Variants in TMC1 observed in about 807,000 individuals in gnomAD.
TMC1 encodes the protein transmembrane channel like 1, also known as transmembrane channel-like protein 1.
In TMC1, 84 loss-of-function variants were observed where a neutral mutation model predicts 105.8. The ratio of observed to expected loss-of-function variants is 0.79; its 90% CI spans 0.67 to 0.95. The LOEUF is 0.95. Among genes scored for constraint, TMC1 ranks in the 40% least tolerant of loss-of-function variants. The pLI, the probability that TMC1 is intolerant of heterozygous loss-of-function variation, is 0.00. For missense variants in TMC1, 817 were observed against 914.1 expected (o/e 0.89, Z 1.37); for synonymous variants, 315 against 311.5 (o/e 1.01, Z -0.12).
chr9:72,589,756 TATAAAACCATAAA>T (rs1302208912), intron 2 of TMC1, among the ~76,000 whole-genome samples: 1 of 152,248 alleles, frequency 6.6e-6, no homozygotes, highest in Non-Finnish European at 1.5e-5. Flanking sequence ...GGCTGTGGGT[TATAAAACCATAAA>T]ATTTTACAGC....
intron 3 of TMC1, among the ~76,000 whole-genome samples, chr9:72,621,361 A>C (rs1447057377): frequency 3.9e-5 from 6 of 152,240 alleles, no homozygotes; most frequent in Middle Eastern, 6.8e-3. Context: ...ACTGACCCTC[A>C]CAACATCCCT....
Position 72,830,620 on chromosome 9 carries a change from TTA to T in TMC1, c.2209-9_2209-8del. 1.2e-6 allele frequency: 2 copies of T among 1,613,530 alleles called. No homozygotes were observed. The highest frequency in any genetic ancestry group is 1.7e-6 in the Non-Finnish European group (2 of 1,179,672). ...AAATCTACTTTTTTCCCCTTATTTTTTATTGTGTAGCAAGCTTTGGAGAACAA... is the reference window on the plus strand; with the variant it reads ...AAATCTACTTTTTTCCCCTTATTTTTTTGTGTAGCAAGCTTTGGAGAACAA... On this transcript the variant is annotated splice_polypyrimidine_tract_variant and intron_variant, in intron 22 of 23. Coordinates refer to ENST00000297784, the MANE Select transcript of TMC1 (RefSeq NM_138691.3).
chr9:72,740,584 A>T (rs1198816785), intron 9 of TMC1, among the ~76,000 whole-genome samples: 2 of 152,162 alleles, frequency 1.3e-5, no homozygotes, highest in Admixed American at 6.5e-5. Context: ...AACATCAACT[A>T]TACATTGGAC....
chr9:72,751,786 A>T (rs1827583554), intron 10 of TMC1, 64 bp from the exon 11 acceptor site: 1 of 1,064,714 alleles, frequency 9.4e-7, no homozygotes, highest in South Asian at 1.3e-5. Flanking sequence ...AACCAAGACA[A>T]AGCTCTTTTT....
rs547487817 is a variant in TMC1 at position 72,599,637 on chromosome 9, C to T, written c.-305-16731C>T. 1.6e-4 allele frequency among the ~76,000 whole-genome samples: 24 copies of T among 151,892 alleles called. No individual in the cohort carries two copies. The South Asian group carries it at 4.0e-3, about 25-fold the overall frequency. On this transcript the variant is annotated intron_variant, in intron 2 of 23. Coordinates refer to ENST00000297784, the MANE Select transcript of TMC1 (RefSeq NM_138691.3). ...CAGCCTGGTCAACATGGTGAAACCC[C>T]GTCTTTACTAAAAATACAAAAAATT...
At chr9:72,526,602 C>G (rs1332553041) in intron 1 of TMC1, among the ~76,000 whole-genome samples, 2 of 152,124 alleles carry the variant, frequency 1.3e-5, no homozygotes, top group African/African-American at 2.4e-5. Context: ...TGTTTAAAAA[C>G]AAAGTAAAAC....
chr9:72,705,107 G>A (rs1826714175), intron 8 of TMC1, among the ~76,000 whole-genome samples: 1 of 152,126 alleles, frequency 6.6e-6, no homozygotes, highest in African/African-American at 2.4e-5. Context: ...GAGGCTGTAT[G>A]ACTAGATCTT....
intron 13 of TMC1, among the ~76,000 whole-genome samples, chr9:72,776,863 A>G (rs1022969001): frequency 3.3e-5 from 5 of 151,880 alleles, no homozygotes; most frequent in African/African-American, 1.2e-4. Flanking sequence ...GATGATAACA[A>G]TCATCAATAT....
chr9:72,815,965 A>T (rs897485354), intron 18 of TMC1, among the ~76,000 whole-genome samples, 178 bp from the exon 19 acceptor site: 2 of 145,580 alleles, frequency 1.4e-5, no homozygotes, highest in South Asian at 2.2e-4. Context: ...CACTGTGTTT[A>T]AAAAAAAAAA....
chr9:72,570,423 A>T (rs1049423187), intron 1 of TMC1, among the ~76,000 whole-genome samples: 2 of 152,118 alleles, frequency 1.3e-5, no homozygotes, highest in African/African-American at 4.8e-5. Flanking sequence ...AAAAACTCTG[A>T]AATACCTTTT....
chr9:72,638,476 C>A (rs1004473340), intron 4 of TMC1, among the ~76,000 whole-genome samples: 1 of 152,164 alleles, frequency 6.6e-6, no homozygotes, highest in African/African-American at 2.4e-5. Flanking sequence ...GTCTGGGGCA[C>A]AATCGACACT....
chr9:72,743,566 CAAAAAAA>C (rs386415092), intron 10 of TMC1, among the ~76,000 whole-genome samples: 4 of 101,742 alleles, frequency 3.9e-5, no homozygotes, highest in African/African-American at 1.0e-4. Flanking sequence ...GACTCTGTTT[CAAAAAAA>C]AAAAAAAAGA....
At chr9:72,754,642 C>G in intron 11 of TMC1, 144 bp from the exon 12 acceptor site, 1 of 699,012 alleles carries the variant, frequency 1.4e-6, no homozygotes, top group South Asian at 1.5e-5. Flanking sequence ...AGTCGATTCC[C>G]AGAAAATGGG....
At chr9:72,810,383 A>G (rs1016417852) in intron 18 of TMC1, among the ~76,000 whole-genome samples, 1 of 152,166 alleles carries the variant, frequency 6.6e-6, no homozygotes, top group Admixed American at 6.5e-5. Context: ...CACACAAAGC[A>G]CATGATTTTT....
intron 2 of TMC1, among the ~76,000 whole-genome samples, chr9:72,582,714 A>G (rs1482768614): frequency 6.6e-6 from 1 of 152,226 alleles, no homozygotes; most frequent in Non-Finnish European, 1.5e-5. Flanking sequence ...GAAAAGCTTC[A>G]GTGCTTCATG....
chr9:72,739,778 T>A, intron 8 of TMC1, among the ~76,000 whole-genome samples: 1 of 152,162 alleles, frequency 6.6e-6, no homozygotes, highest in East Asian at 1.9e-4. Context: ...AAATAAACAT[T>A]TGACTGCCAG....
intron 4 of TMC1, among the ~76,000 whole-genome samples, chr9:72,638,616 T>C (rs1480129571): frequency 1.3e-5 from 2 of 152,238 alleles, no homozygotes; most frequent in African/African-American, 4.8e-5. Context: ...ATTGCCTTGC[T>C]TGGACAGGAC....
At chr9:72,664,639 A>T (rs1157344557) in intron 5 of TMC1, among the ~76,000 whole-genome samples, 1 of 152,178 alleles carries the variant, frequency 6.6e-6, no homozygotes, top group African/African-American at 2.4e-5. Flanking sequence ...GGGGATGGTC[A>T]GAGAGGAGAT....
chr9:72,533,458 C>T (rs1278990018), intron 1 of TMC1, among the ~76,000 whole-genome samples: 1 of 152,164 alleles, frequency 6.6e-6, no homozygotes, highest in Non-Finnish European at 1.5e-5. Flanking sequence ...TTCCCCTGAC[C>T]ATACTCTCCC....
Sources: gnomAD v4.1 joint callset for allele counts (sites outside exome capture counted in the v4.1 genomes callset) on GRCh38, gnomAD v4.1.1 for gene constraint, MANE v1.5 for transcripts, NCBI Gene and HGNC (gene_info 2026-07-23, HGNC 2026-07-21) for gene names.